ROBO1: variants seen among roughly 807,000 people sequenced by gnomAD.
ROBO1 encodes roundabout homolog 1.
Under a neutral mutation model 195.9 loss-of-function variants are expected in ROBO1, and 149 were observed. The observed-to-expected ratio is 0.76, with a 90% CI of 0.67 to 0.87. The LOEUF is 0.87. Ranked by LOEUF, ROBO1 falls within the 40% of genes least tolerant of loss-of-function variation. The probability of loss-of-function intolerance (pLI) is 0.00; values close to 1 mark genes in which losing one functional copy is unlikely to be tolerated. For missense variants in ROBO1, 1,933 were observed against 2,068.3 expected (o/e 0.93, Z 1.27); for synonymous variants, 816 against 733.2 (o/e 1.11, Z -1.82).
At chr3:79,230,656 A>G (rs970263263) in intron 2 of ROBO1, among the ~76,000 whole-genome samples, 1 of 152,170 alleles carries the variant, frequency 6.6e-6, no homozygotes. Context: ...GATAGGAAGA[A>G]TCAATGTTGT....
rs1560007113 is a variant in ROBO1, at chr3:79,575,141, A to ATATAAATATATATATAACAAAT, written c.88+14682_88+14683insATTTGTTATATATATATTTATA. ...AATATATATATAAATATATATAACA[A>ATATAAATATATATATAACAAAT]ATATATAAATATATATATAACAAAT... On this transcript the variant is annotated intron_variant, in intron 2 of 30. Transcript: ENST00000464233. 2.2e-3 allele frequency among the ~76,000 whole-genome samples: 193 copies of ATATAAATATATATATAACAAAT among 87,290 alleles called. 3 individuals are homozygous for ATATAAATATATATATAACAAAT. Among genetic ancestry groups the ATATAAATATATATATAACAAAT allele is most frequent in the African/African-American group, 6.9e-3 (150 of 21,676 alleles). 57.3% of individuals were successfully genotyped at this position (87,290 alleles called of 152,430 possible). A position where few individuals can be genotyped will look rare whatever the true frequency, so the allele number is the denominator to read the frequency against.
chr3:78,860,855 A>C (rs1027156877), intron 4 of ROBO1, among the ~76,000 whole-genome samples: 1 of 152,134 alleles, frequency 6.6e-6, no homozygotes, highest in East Asian at 1.9e-4. Flanking sequence ...TCAGTTATGA[A>C]GTCTCACTGT....
intron 2 of ROBO1, among the ~76,000 whole-genome samples, chr3:79,311,003 T>C (rs1007915600): frequency 5.3e-5 from 8 of 152,142 alleles, no homozygotes; most frequent in Admixed American, 3.9e-4. Context: ...AAAATATCAG[T>C]ATTGATTTTC....
intron 4 of ROBO1, among the ~76,000 whole-genome samples, chr3:78,757,009 A>C (rs1193547949): frequency 6.6e-6 from 1 of 152,140 alleles, no homozygotes; most frequent in Non-Finnish European, 1.5e-5. Context: ...CTCCTGCCTC[A>C]GCCTCCCAAG....
At chr3:79,210,170 T>C (rs959788894) in intron 2 of ROBO1, among the ~76,000 whole-genome samples, 1 of 152,048 alleles carries the variant, frequency 6.6e-6, no homozygotes, top group African/African-American at 2.4e-5. Flanking sequence ...GGAAAAAAAT[T>C]CTAAAATTCA....
At chr3:78,656,470 C>A (rs562333689) in intron 18 of ROBO1, among the ~76,000 whole-genome samples, 1 of 151,486 alleles carries the variant, frequency 6.6e-6, no homozygotes, top group Non-Finnish European at 1.5e-5. Flanking sequence ...CCTGCCTCAG[C>A]CTCCTAAGTA....
At chr3:79,122,907 T>C (rs1336297276) in intron 3 of ROBO1, among the ~76,000 whole-genome samples, 2 of 151,958 alleles carry the variant, frequency 1.3e-5, no homozygotes, top group Admixed American at 1.3e-4. Flanking sequence ...AAGTCTCACA[T>C]GTTACCTCAA....
At chr3:79,171,817 A>G (rs115717309) in intron 2 of ROBO1, among the ~76,000 whole-genome samples, 2,925 of 152,214 alleles carry the variant, frequency 0.019, 51 homozygotes, top group Middle Eastern at 0.024. Flanking sequence ...TCAATTGACT[A>G]TATGAAATCT....
At chr3:79,082,163 A>G (rs2079286183) in intron 3 of ROBO1, among the ~76,000 whole-genome samples, 2 of 152,176 alleles carry the variant, frequency 1.3e-5, no homozygotes, top group South Asian at 2.1e-4. Context: ...ATTCAAATGT[A>G]TACTTCTAAG....
chr3:78,950,268 CCAA>C (rs962503049), intron 3 of ROBO1, among the ~76,000 whole-genome samples: 1 of 151,924 alleles, frequency 6.6e-6, no homozygotes, highest in Non-Finnish European at 1.5e-5. Flanking sequence ...ACCTAAATGT[CCAA>C]CAACGATAGA....
chr3:78,848,043 G>A (rs974976524), intron 4 of ROBO1, among the ~76,000 whole-genome samples: 1 of 152,000 alleles, frequency 6.6e-6, no homozygotes, highest in African/African-American at 2.4e-5. Context: ...CAAACTGTGT[G>A]CTTTGATGCT....
chr3:79,199,416 G>C (rs79340870), intron 2 of ROBO1, among the ~76,000 whole-genome samples: 1,577 of 151,884 alleles, frequency 0.01, 8 homozygotes, highest in Non-Finnish European at 0.017. Context: ...ATGTTTGGGA[G>C]AACTGACTAT....
chr3:78,998,269 A>G (rs1475054675), intron 3 of ROBO1, among the ~76,000 whole-genome samples: 1 of 152,150 alleles, frequency 6.6e-6, no homozygotes, highest in Non-Finnish European at 1.5e-5. Context: ...AATCTTAAGT[A>G]CCAGCTCACA....
chr3:79,239,950 T>C (rs1232347704), intron 2 of ROBO1, among the ~76,000 whole-genome samples: 1 of 152,142 alleles, frequency 6.6e-6, no homozygotes, highest in Admixed American at 6.5e-5. Flanking sequence ...TTTTGGTATA[T>C]CCTATCAATA....
rs780030992 is a variant in ROBO1 at position 78,647,615 on chromosome 3, G to A, written c.2839+14C>T. ...CTAACAATGGAAAGGAGGAGGGTAA[G>A]TGCAAATATATACCTGTTGGTGTGA... On this transcript the variant is annotated intron_variant, in intron 20 of 30. Coordinates refer to ENST00000464233, the MANE Select transcript of ROBO1 (RefSeq NM_002941.4). 6.2e-7 allele frequency: 1 copy of A among 1,609,706 alleles called. No homozygotes were observed. The highest frequency in any genetic ancestry group is 8.5e-7 in the Non-Finnish European group (1 of 1,176,288).
At chr3:79,556,685 C>T (rs897595504) in intron 2 of ROBO1, among the ~76,000 whole-genome samples, 9 of 151,778 alleles carry the variant, frequency 5.9e-5, no homozygotes, top group African/African-American at 2.2e-4. Flanking sequence ...CTCATGTTTA[C>T]TGATATAAAA....
chr3:79,487,922 G>A (rs2107429906), intron 2 of ROBO1, among the ~76,000 whole-genome samples: 1 of 152,116 alleles, frequency 6.6e-6, no homozygotes, highest in Admixed American at 6.5e-5. Flanking sequence ...TGTTATAAAA[G>A]CAATACAATT....
intron 21 of ROBO1, among the ~76,000 whole-genome samples, chr3:78,640,761 A>ACCT (rs1042352224): frequency 6.6e-6 from 1 of 151,910 alleles, no homozygotes; most frequent in Non-Finnish European, 1.5e-5. Context: ...CTTCATACTT[A>ACCT]CCTCCATTCA....
At chr3:79,760,955 CA>C in intron 1 of ROBO1, among the ~76,000 whole-genome samples, 1 of 150,258 alleles carries the variant, frequency 6.7e-6, no homozygotes, top group East Asian at 1.9e-4. Context: ...AGACATGTGC[CA>C]AAAAATTGCT....
Sources: allele counts gnomAD v4.1 joint callset (sites outside exome capture counted in the v4.1 genomes callset), GRCh38; gene constraint gnomAD v4.1.1; transcripts MANE v1.5; gene names NCBI Gene and HGNC (gene_info 2026-07-23, HGNC 2026-07-21).